The following FARP1 variants were observed in gnomAD, a reference collection of about 807,000 sequenced individuals.
FARP1 encodes FERM, ARHGEF and pleckstrin domain-containing protein 1.
A neutral mutation model predicts 128.8 loss-of-function variants in FARP1; 52 were observed. The observed-to-expected ratio is 0.40, with a 90% confidence interval of 0.32 to 0.51. FARP1 has a LOEUF of 0.51. Ranked by LOEUF, FARP1 falls within the 20% of genes least tolerant of loss-of-function variation. FARP1 has a pLI of 0.45. For missense variants in FARP1, 1,333 were observed against 1,367.9 expected (o/e 0.97, Z 0.40); for synonymous variants, 580 against 551.8 (o/e 1.05, Z -0.72).
At chr13:98,442,156 C>G (rs910353206) in intron 24 of FARP1, among the ~76,000 whole-genome samples, 1 of 152,198 alleles carries the variant, frequency 6.6e-6, no homozygotes, top group Admixed American at 6.5e-5. Flanking sequence ...CTGCTGCAGT[C>G]GAGGCAGGAC....
chr13:98,360,823 G>T (rs1487211626), intron 3 of FARP1, among the ~76,000 whole-genome samples: 2 of 152,200 alleles, frequency 1.3e-5, no homozygotes, highest in African/African-American at 4.8e-5. Flanking sequence ...ATGTGTGAGT[G>T]TGTTCAAGAG....
chr13:98,376,591 A>G (rs563139048), intron 5 of FARP1, among the ~76,000 whole-genome samples: 2 of 152,240 alleles, frequency 1.3e-5, no homozygotes. Context: ...GGGAGTGCAG[A>G]TATCTCTTTG....
Position 98,373,533 on chromosome 13 carries a change from G to GACAGAC in FARP1, c.399-4285_399-4284insGACACA, listed in dbSNP as rs1349451618. Among the ~76,000 whole-genome samples, 616 of 131,064 alleles carry GACAGAC rather than the reference G, an allele frequency of 4.7e-3. 3 individuals carry two copies. The highest frequency in any genetic ancestry group is 0.013 in the African/African-American group (452 of 33,918). The allele number at this position is 131,064 out of a possible 152,430, so 86.0% of individuals were successfully genotyped here. A position where few individuals can be genotyped will look rare whatever the true frequency, so the allele number is the denominator to read the frequency against. On this transcript the variant is annotated intron_variant, in intron 5 of 26. Coordinates refer to ENST00000319562, the MANE Select transcript of FARP1 (RefSeq NM_005766.4). ...TTGACTTTCCAGAGACAGACAGACA[G>GACAGAC]ACACACACACACACACACACACACA...
chr13:98,444,631 C>T (rs914604203), intron 24 of FARP1, among the ~76,000 whole-genome samples: 1 of 152,138 alleles, frequency 6.6e-6, no homozygotes, highest in Non-Finnish European at 1.5e-5. Flanking sequence ...GAGGAAGGGC[C>T]GCTGGATGTG....
At chr13:98,162,459 G>A (rs1876954950) in intron 1 of FARP1, among the ~76,000 whole-genome samples, 1 of 152,186 alleles carries the variant, frequency 6.6e-6, no homozygotes, top group Admixed American at 6.5e-5. Flanking sequence ...GGCATGGCCT[G>A]TAGTAGGTGC....
At chr13:98,217,382 G>A (rs1161298161) in intron 2 of FARP1, among the ~76,000 whole-genome samples, 2 of 152,178 alleles carry the variant, frequency 1.3e-5, no homozygotes, top group African/African-American at 2.4e-5. Flanking sequence ...GTGGACGATG[G>A]CAGAAGCCCA....
intron 2 of FARP1, among the ~76,000 whole-genome samples, chr13:98,322,013 C>T (rs599877): frequency 0.25 from 38,053 of 152,170 alleles, 5,062 homozygotes; most frequent in Middle Eastern, 0.33. Flanking sequence ...GTACCTAGCA[C>T]AGGGCCAGGA....
intron 2 of FARP1, chr13:98,245,432 TGCA>T (rs1883001054): frequency 3.0e-6 from 2 of 672,542 alleles, no homozygotes; most frequent in Non-Finnish European, 3.7e-6. Flanking sequence ...AATCATACAC[TGCA>T]GCAACTAAGT....
At chr13:98,299,122 T>G (rs899427027) in intron 2 of FARP1, among the ~76,000 whole-genome samples, 4 of 152,222 alleles carry the variant, frequency 2.6e-5, no homozygotes, top group African/African-American at 4.8e-5. Flanking sequence ...AATATTGATT[T>G]TAATGCTGGG....
At chr13:98,406,095 C>T (rs996574781) in intron 13 of FARP1, 3 of 152,186 alleles carry the variant, frequency 2.0e-5, no homozygotes, top group African/African-American at 7.2e-5. Flanking sequence ...ATAGACACAG[C>T]TCTTCCCACC....
chr13:98,323,930 C>T (rs1421067457), intron 2 of FARP1, among the ~76,000 whole-genome samples: 1 of 152,182 alleles, frequency 6.6e-6, no homozygotes, highest in Non-Finnish European at 1.5e-5. Context: ...ATTAAGTACT[C>T]AAGAACCAGA....
chr13:98,195,466 T>G (rs1225308403), intron 1 of FARP1, among the ~76,000 whole-genome samples: 1 of 152,158 alleles, frequency 6.6e-6, no homozygotes, highest in African/African-American at 2.4e-5. Context: ...AGTTTTAAAC[T>G]ATATTTATTT....
chr13:98,354,577 A>C (rs1888566463), intron 3 of FARP1, among the ~76,000 whole-genome samples: 2 of 152,256 alleles, frequency 1.3e-5, no homozygotes, highest in Admixed American at 6.5e-5. Context: ...CTGATAAAAC[A>C]ATTTTGAAAA....
chr13:98,343,048 G>A (rs966207271), intron 2 of FARP1, among the ~76,000 whole-genome samples: 2 of 151,948 alleles, frequency 1.3e-5, no homozygotes, highest in African/African-American at 4.8e-5. Flanking sequence ...AGACACAGAA[G>A]GATCTTATAT....
chr13:98,198,841 G>T (rs2139260307), intron 1 of FARP1, among the ~76,000 whole-genome samples: 1 of 107,524 alleles, frequency 9.3e-6, no homozygotes, highest in South Asian at 3.6e-4. Flanking sequence ...TTGCACCACT[G>T]CACTCCAGCC....
At chr13:98,441,475 A>T (rs569491290) in intron 24 of FARP1, among the ~76,000 whole-genome samples, 195 of 152,336 alleles carry the variant, frequency 1.3e-3, no homozygotes, top group African/African-American at 4.6e-3. Flanking sequence ...AGCTGATGGG[A>T]CAGGCTGAGA....
chr13:98,218,303 T>C (rs1049855898), intron 2 of FARP1, among the ~76,000 whole-genome samples: 1 of 152,152 alleles, frequency 6.6e-6, no homozygotes, highest in Non-Finnish European at 1.5e-5. Context: ...ATAGCTCACC[T>C]CCAATCAGAC....
intron 2 of FARP1, among the ~76,000 whole-genome samples, chr13:98,254,507 T>A (rs1883492523): frequency 6.6e-6 from 1 of 152,214 alleles, no homozygotes; most frequent in Non-Finnish European, 1.5e-5. Context: ...ATCCCAGTGA[T>A]CATGAGCACG....
chr13:98,387,131 T>A (rs1890126881), intron 8 of FARP1, among the ~76,000 whole-genome samples: 1 of 152,034 alleles, frequency 6.6e-6, no homozygotes, highest in African/African-American at 2.4e-5. Flanking sequence ...TGAAACCCCG[T>A]CTCTACTAAA....
Sources: allele counts gnomAD v4.1 joint callset (sites outside exome capture counted in the v4.1 genomes callset), GRCh38; gene constraint gnomAD v4.1.1; transcripts MANE v1.5; gene names NCBI Gene and HGNC (gene_info 2026-07-23, HGNC 2026-07-21).